Variants in UBE2E1 observed in about 807,000 individuals in gnomAD.
The protein encoded by UBE2E1 is ubiquitin conjugating enzyme E2 E1.
UBE2E1 carries 6 observed loss-of-function variants against 21.4 expected under a neutral mutation model. The observed-to-expected ratio is 0.28, with a 90% CI of 0.15 to 0.55. UBE2E1 has a LOEUF of 0.55. Among genes scored for constraint, UBE2E1 ranks in the 20% least tolerant of loss-of-function variants. The pLI is 0.93. For missense variants in UBE2E1, 142 were observed against 236.5 expected (o/e 0.60, Z 2.62); for synonymous variants, 87 against 82.7 (o/e 1.05, Z -0.28).
chr3:23,837,177 CAGTA>C (rs1461761039), intron 3 of UBE2E1, among the ~76,000 whole-genome samples: 2 of 152,170 alleles, frequency 1.3e-5, no homozygotes, highest in Non-Finnish European at 2.9e-5. Flanking sequence ...GCCTGGCTCA[CAGTA>C]AGCACTAACA....
intron 3 of UBE2E1, among the ~76,000 whole-genome samples, chr3:23,860,894 A>G (rs1202011646): frequency 1.3e-5 from 2 of 152,356 alleles, no homozygotes; most frequent in East Asian, 3.9e-4. Context: ...ATGAAGGTAC[A>G]TGATTTGATT....
intron 2 of UBE2E1, among the ~76,000 whole-genome samples, chr3:23,809,801 C>T (rs1049026848): frequency 6.6e-6 from 1 of 152,114 alleles, no homozygotes; most frequent in Non-Finnish European, 1.5e-5. Flanking sequence ...TGAAAAGATT[C>T]AGGTAAAGAA....
chr3:23,874,305 ATG>A (rs1159857314), intron 3 of UBE2E1, among the ~76,000 whole-genome samples: 3 of 152,182 alleles, frequency 2.0e-5, no homozygotes, highest in Non-Finnish European at 4.4e-5. Flanking sequence ...TCAGCACTAA[ATG>A]TGTGGAGGGT....
In UBE2E1 at chr3:23,870,475, G is replaced by A. The variant is rs1272316306; in HGVS notation, c.204-17092G>A. Among the ~76,000 whole-genome samples, 4 of 152,168 alleles carry A rather than the reference G, an allele frequency of 2.6e-5. No homozygotes were observed. The highest frequency in any genetic ancestry group is 4.1e-4 in the South Asian group (2 of 4,826). ...ATTTCTGCCTATTGCTATGGGCAGA[G>A]CAGCTTTAAGCACAGAGGCGCAGAT... is the stretch of plus-strand genomic sequence containing the variant. On this transcript the variant is annotated intron_variant, in intron 3 of 5. Transcript: ENST00000306627. The surrounding 1 kb of genome is among the most constrained non-coding windows in gnomAD (Gnocchi z 4.2).
intron 3 of UBE2E1, among the ~76,000 whole-genome samples, chr3:23,852,874 G>A (rs1238422048): frequency 6.6e-6 from 1 of 151,706 alleles, no homozygotes; most frequent in African/African-American, 2.4e-5. Flanking sequence ...CAGAGTGCTA[G>A]GATTATGGGC....
intron 3 of UBE2E1, among the ~76,000 whole-genome samples, chr3:23,848,469 CA>C (rs36092258): frequency 0.55 from 74,970 of 136,464 alleles, 19,028 homozygotes; most frequent in South Asian, 0.61. Flanking sequence ...GACTCTGTCT[CA>C]AAAAAAAAAA....
intron 3 of UBE2E1, among the ~76,000 whole-genome samples, chr3:23,818,546 G>T (rs2125284893): frequency 6.6e-6 from 1 of 152,270 alleles, no homozygotes; most frequent in East Asian, 1.9e-4. Context: ...CCTTCACCGT[G>T]ATTCCTCAGC....
chr3:23,813,550 A>ATTTG (rs1699447538), intron 3 of UBE2E1, among the ~76,000 whole-genome samples: 2 of 151,730 alleles, frequency 1.3e-5, no homozygotes, highest in African/African-American at 4.8e-5. Flanking sequence ...TTATTTATTT[A>ATTTG]TTTTCTTTTT....
At chr3:23,811,636 T>A in intron 3 of UBE2E1, 126 bp downstream of exon 3, 1 of 849,872 alleles carries the variant, frequency 1.2e-6, no homozygotes, top group Non-Finnish European at 1.9e-6. Context: ...TAACATCACG[T>A]AACAGCTGAA....
rs759418034 is a variant in UBE2E1, at chr3:23,842,246, T to TGTGTGTGTGTGTGTGTGTGTG, written c.203+30739_203+30740insTGTGTGTGTGTGTGTGTGGTG. Reference sequence around the variant, plus strand: ...GTGTGTGTGTGTGTGTGTGTGTGTGTGTGGTGTTGTTGTTGTTGGCGACAG... The same window carrying TGTGTGTGTGTGTGTGTGTGTG: ...GTGTGTGTGTGTGTGTGTGTGTGTGTGTGTGTGTGTGTGTGTGTGTGGTGGTGTTGTTGTTGTTGGCGACAG... On this transcript the variant is annotated intron_variant, in intron 3 of 5. Transcript: ENST00000306627. The surrounding 1 kb of genome is among the most constrained non-coding windows in gnomAD (Gnocchi z 4.6). Among the ~76,000 whole-genome samples, 10 of 36,756 alleles carry TGTGTGTGTGTGTGTGTGTGTG rather than the reference T, an allele frequency of 2.7e-4. No individual in the cohort carries two copies. The highest frequency in any genetic ancestry group is 8.3e-4 in the East Asian group (2 of 2,414). 24.1% of individuals were successfully genotyped at this position (36,756 alleles called of 152,430 possible).
At chr3:23,878,074 CA>C (rs1159013072) in intron 3 of UBE2E1, among the ~76,000 whole-genome samples, 1 of 152,122 alleles carries the variant, frequency 6.6e-6, no homozygotes, top group South Asian at 2.1e-4. Flanking sequence ...AACTTGAGGT[CA>C]AATGTCACAA....
At chr3:23,865,583 G>C (rs1380791906) in intron 3 of UBE2E1, among the ~76,000 whole-genome samples, 1 of 152,120 alleles carries the variant, frequency 6.6e-6, no homozygotes, top group African/African-American at 2.4e-5. Flanking sequence ...CTAACTCCTG[G>C]GCTCAAGCAG....
chr3:23,820,333 A>G (rs1307309466), intron 3 of UBE2E1, among the ~76,000 whole-genome samples: 1 of 152,232 alleles, frequency 6.6e-6, no homozygotes, highest in Admixed American at 6.5e-5. Context: ...ACCGTAATCC[A>G]GGAACTTTGC....
In UBE2E1 at chr3:23,836,299, A is replaced by G. The variant is rs1234324601; in HGVS notation, c.203+24789A>G. Among the ~76,000 whole-genome samples the G allele has an allele frequency of 6.6e-6, 1 of 152,234 alleles. No individual in the cohort carries two copies. The highest frequency in any genetic ancestry group is 6.5e-5 in the Admixed American group (1 of 15,286). On this transcript the variant is annotated intron_variant, in intron 3 of 5. Coordinates refer to ENST00000306627, the MANE Select transcript of UBE2E1 (RefSeq NM_003341.5). This position sits in a 1 kb window ranked among gnomAD's most constrained non-coding sequence, Gnocchi z 4.1. ...TAGGAAATAACTGATTTAGAATGCT[A>G]TATAAAAAAAGAGTTTCTCTTTTCA...
At chr3:23,872,018 A>T (rs1319463561) in intron 3 of UBE2E1, among the ~76,000 whole-genome samples, 1 of 151,952 alleles carries the variant, frequency 6.6e-6, no homozygotes, top group Non-Finnish European at 1.5e-5. Flanking sequence ...AGGCCAAGGC[A>T]GGCGGGTGGG....
intron 3 of UBE2E1, 72 bp downstream of exon 3, chr3:23,811,582 A>C (rs977381469): frequency 9.8e-6 from 14 of 1,430,914 alleles, no homozygotes; most frequent in Non-Finnish European, 1.4e-5. Flanking sequence ...TCTTTTTATT[A>C]TATACTTTTT....
intron 3 of UBE2E1, among the ~76,000 whole-genome samples, chr3:23,862,943 C>T (rs902307282): frequency 1.3e-5 from 2 of 151,920 alleles, no homozygotes; most frequent in South Asian, 2.1e-4. Flanking sequence ...CTAGGCTGGT[C>T]TTGAACTTGC....
At chr3:23,852,627 C>T (rs958502563) in intron 3 of UBE2E1, among the ~76,000 whole-genome samples, 4 of 152,156 alleles carry the variant, frequency 2.6e-5, no homozygotes, top group Non-Finnish European at 5.9e-5. Flanking sequence ...CAGGGTCTCA[C>T]TTTGTCATCC....
chr3:23,871,367 G>A (rs1237385168), intron 3 of UBE2E1, among the ~76,000 whole-genome samples: 2 of 149,456 alleles, frequency 1.3e-5, no homozygotes, highest in African/African-American at 2.5e-5. Context: ...CGGACGGGGC[G>A]GCTGGCCGGG....
Sources: allele counts gnomAD v4.1 joint callset (sites outside exome capture counted in the v4.1 genomes callset), GRCh38; gene constraint gnomAD v4.1.1; non-coding constraint Gnocchi (gnomAD v3.1); transcripts MANE v1.5; gene names NCBI Gene and HGNC (gene_info 2026-07-23, HGNC 2026-07-21).